Variants in LIFR observed in about 807,000 individuals in gnomAD.
LIFR encodes LIF receptor subunit alpha.
In LIFR, 84 loss-of-function variants were observed where a neutral mutation model predicts 122.2. That is an observed-to-expected ratio of 0.69 (90% confidence interval 0.58 to 0.82). The LOEUF is 0.82. Ranked by LOEUF, LIFR falls within the 40% of genes least tolerant of loss-of-function variation. The pLI is 0.00. For missense variants in LIFR, 1,294 were observed against 1,311.6 expected (o/e 0.99, Z 0.21); for synonymous variants, 422 against 434.7 (o/e 0.97, Z 0.36).
Position 38,496,552 on chromosome 5 carries a change from T to C in LIFR, c.1715A>G (p.Asn572Ser). 4 of 1,613,946 alleles carry C rather than the reference T, an allele frequency of 2.5e-6. No individual in the cohort carries two copies. Among genetic ancestry groups the C allele is most frequent in the Non-Finnish European group, 3.4e-6 (4 of 1,179,812 alleles). Residue 572 changes from asparagine to serine, a missense_variant, in exon 13 of 20, where the codon AAT (asparagine) becomes AGT (serine). Coordinates refer to ENST00000453190, the MANE Select transcript of LIFR (RefSeq NM_001127671.2). ...TTCCTCATCTGATGAACACGATACATTGTAGGAAAGTATTTTTCCATTAGC... is the reference window on the plus strand; with the variant it reads ...TTCCTCATCTGATGAACACGATACACTGTAGGAAAGTATTTTTCCATTAGC... ...NEANGKILSY[N>S]VSCSSDEETQ...
At position 38,526,441 on chromosome 5, in the gene LIFR, GTATA is replaced by G. The variant is rs749550234; in HGVS notation, c.397+710_397+713del. Reference sequence around the variant, plus strand: ...TGTGTGTGTGTGTGTGTGTGTGTGTGTATATATATATATATAAAATCTTGTTTGC... The same window carrying G: ...TGTGTGTGTGTGTGTGTGTGTGTGTGTATATATATATAAAATCTTGTTTGC... On this transcript the variant is annotated intron_variant, in intron 4 of 19. Coordinates refer to ENST00000453190, the MANE Select transcript of LIFR (RefSeq NM_001127671.2). Among the ~76,000 whole-genome samples, 225 of 134,566 alleles carry G rather than the reference GTATA, an allele frequency of 1.7e-3. 1 individual carries two copies. The highest frequency in any genetic ancestry group is 3.9e-3 in the Middle Eastern group (1 of 258). 88.3% of individuals were successfully genotyped at this position (134,566 alleles called of 152,430 possible).
rs991831481 is a variant in LIFR at position 38,475,761 on chromosome 5, G to C, written c.*5834C>G. The C allele has an allele frequency of 5.3e-6, 1 of 188,464 alleles. No homozygotes were observed. The highest frequency in any genetic ancestry group is 6.2e-5 in the Admixed American group (1 of 16,184). 11.7% of individuals were successfully genotyped at this position (188,464 alleles called of 1,614,324 possible). The stretch of plus-strand genomic sequence containing the variant: ...TAGTGTTATAAGGACCTTGACTTAT[G>C]GCCAGCTAATGAAAGAGAAGAAAAC... On this transcript the variant is annotated 3_prime_UTR_variant, in exon 20 of 20. Coordinates refer to ENST00000453190, the MANE Select transcript of LIFR (RefSeq NM_001127671.2).
intron 1 of LIFR, among the ~76,000 whole-genome samples, chr5:38,548,227 G>T (rs961540553): frequency 6.6e-6 from 1 of 152,058 alleles, no homozygotes; most frequent in Admixed American, 6.6e-5. Flanking sequence ...ATATATAGTA[G>T]CAATTTTAAG....
rs142475175 is a variant in LIFR, at chr5:38,523,560, C to T, written c.420G>A (p.Glu140=). Residue 140 remains glutamate, a synonymous_variant, in exon 5 of 20, where the codon GAG becomes GAA. Coordinates refer to ENST00000453190, the MANE Select transcript of LIFR (RefSeq NM_001127671.2). ...AGAAATCAGCAGACAAATTCAAGAT[C>T]TCTGGAGTATCTGGAATTAAGGCTT... is the stretch of plus-strand genomic sequence containing the variant. ...QNVSLIPDTP[E]ILNLSADFST... 913 of 1,613,044 alleles carry T rather than the reference C, an allele frequency of 5.7e-4. 5 individuals carry two copies. In the African/African-American group the frequency reaches 0.011, roughly 19 times the overall value.
chr5:38,547,420 G>A (rs544941865), intron 1 of LIFR, among the ~76,000 whole-genome samples: 1 of 152,248 alleles, frequency 6.6e-6, no homozygotes, highest in East Asian at 1.9e-4. Context: ...TACACAACCT[G>A]TGATGTAACT....
chr5:38,558,879 G>A (rs1748722387), upstream of LIFR: 1 of 152,200 alleles, frequency 6.6e-6, no homozygotes, highest in African/African-American at 2.4e-5. Context: ...AATTCAAGAT[G>A]AGGTTTGGGT....
rs10637374 is a variant in LIFR at position 38,528,849 on chromosome 5, GACACACACACAC to G, written c.143-21_143-10del. 7 of 921,560 alleles carry G rather than the reference GACACACACACAC, an allele frequency of 7.6e-6. No homozygotes were observed. The highest frequency in any genetic ancestry group is 2.2e-5 in the Admixed American group (1 of 46,136). 57.1% of individuals were successfully genotyped at this position (921,560 alleles called of 1,614,324 possible). A position where few individuals can be genotyped will look rare whatever the true frequency, so the allele number is the denominator to read the frequency against. On this transcript the variant is annotated splice_polypyrimidine_tract_variant and intron_variant, in intron 2 of 19. Coordinates refer to ENST00000453190, the MANE Select transcript of LIFR (RefSeq NM_001127671.2). Reference sequence around the variant, plus strand: ...CAAATCATGAGGAGCCCCTGGAGGAGACACACACACACACACACACACACACACAGACACACA... The same window carrying G: ...CAAATCATGAGGAGCCCCTGGAGGAGACACACACACACACACAGACACACA...
intron 1 of LIFR, among the ~76,000 whole-genome samples, chr5:38,535,142 G>GA (rs1747227510): frequency 1.3e-5 from 2 of 152,276 alleles, no homozygotes; most frequent in South Asian, 4.2e-4. Flanking sequence ...TCAGAACCTA[G>GA]AAAGAGGCCT....
At chr5:38,529,553 A>T (rs1561180857) in intron 2 of LIFR, among the ~76,000 whole-genome samples, 1 of 152,162 alleles carries the variant, frequency 6.6e-6, no homozygotes, top group Non-Finnish European at 1.5e-5. Context: ...ACTCACATCT[A>T]TAAAATAACA....
In LIFR at chr5:38,527,291, G is replaced by A. The variant is rs1290083943; in HGVS notation, c.261C>T (p.Ser87=). 6.4e-7 allele frequency: 1 copy of A among 1,568,844 alleles called. No homozygotes were observed. The highest frequency in any genetic ancestry group is 1.7e-5 in the Admixed American group (1 of 59,590). ...TTTTCTCCAACTGATAACAAGAACG[G>A]GACCTGTAATAAGAAATTGAATTTT... The part of the protein sequence containing the change: ...TDYEVCIENR[S]RSCYQLEKTS... Residue 87 remains serine (S), a synonymous_variant, in exon 4 of 20, where the codon TCC becomes TCT. Transcript: ENST00000453190.
chr5:38,503,404 C>T (rs1457106216), intron 10 of LIFR, among the ~76,000 whole-genome samples: 1 of 152,022 alleles, frequency 6.6e-6, no homozygotes, highest in Non-Finnish European at 1.5e-5. Flanking sequence ...TCTGAGCTCC[C>T]CAAAACATTA....
chr5:38,518,135 A>T (rs934303815), intron 5 of LIFR, among the ~76,000 whole-genome samples: 1 of 151,872 alleles, frequency 6.6e-6, no homozygotes, highest in African/African-American at 2.4e-5. Flanking sequence ...GAATAAAATA[A>T]AATAAAATAA....
At chr5:38,564,745 CACACACACACACACA>C (rs1748957437) in intron 1 of LIFR, among the ~76,000 whole-genome samples, 1 of 134,724 alleles carries the variant, frequency 7.4e-6, no homozygotes, top group Non-Finnish European at 1.5e-5. Flanking sequence ...TACACACACA[CACACACACACACACA>C]CACACACACA....
In LIFR at chr5:38,481,992, G is replaced by A. The variant is rs781222364; in HGVS notation, c.2897C>T (p.Ala966Val). The change falls in exon 20 of 20, where the codon GCT (alanine) becomes GTT (valine). Residue 966 changes from alanine (A) to valine (V), a missense_variant. Ala to Val is a moderately conservative substitution (Grantham distance 64). Transcript: ENST00000453190. ...GTAAATAACCTGTGCAGTCCCTCCA[G>A]CTTCATCTGCGGCTGGGTTTGGTAT... The part of the protein sequence containing the change: ...EEIPNPAADE[A>V]GGTAQVIYID... 2 of 1,614,206 alleles carry A rather than the reference G, an allele frequency of 1.2e-6. No homozygotes were observed. The highest frequency in any genetic ancestry group is 2.2e-5 in the South Asian group (2 of 91,084).
At chr5:38,510,961 G>C (rs550269494) in intron 6 of LIFR, among the ~76,000 whole-genome samples, 2 of 149,122 alleles carry the variant, frequency 1.3e-5, no homozygotes, top group South Asian at 4.3e-4. Flanking sequence ...TACTTATGAA[G>C]GGATAATGGT....
chr5:38,602,596 T>A (rs1750242195), intron 2 of LIFR, among the ~76,000 whole-genome samples: 1 of 152,192 alleles, frequency 6.6e-6, no homozygotes, highest in African/African-American at 2.4e-5. Context: ...TAGGTTTTTA[T>A]CTTGCCGTCT....
chr5:38,549,452 C>G (rs530272352), intron 1 of LIFR, among the ~76,000 whole-genome samples: 1 of 152,130 alleles, frequency 6.6e-6, no homozygotes, highest in African/African-American at 2.4e-5. Flanking sequence ...TTAATGAGTC[C>G]CCCTATTATT....
intron 4 of LIFR, among the ~76,000 whole-genome samples, chr5:38,523,848 C>G (rs1415453176): frequency 1.3e-5 from 2 of 152,122 alleles, no homozygotes; most frequent in African/African-American, 4.8e-5. Context: ...AGGGAAACGA[C>G]TAATATTCTC....
intron 12 of LIFR, among the ~76,000 whole-genome samples, chr5:38,497,352 G>C (rs1032642541): frequency 3.3e-5 from 5 of 151,988 alleles, no homozygotes; most frequent in African/African-American, 4.8e-5. Context: ...CTGGGAGCAG[G>C]GTAAATCAGG....
Sources: gnomAD v4.1 joint callset for allele counts (sites outside exome capture counted in the v4.1 genomes callset) on GRCh38, gnomAD v4.1.1 for gene constraint, MANE v1.5 for transcripts, NCBI Gene and HGNC (gene_info 2026-07-23, HGNC 2026-07-21) for gene names.